The following SCAF8 variants were observed in gnomAD, a reference collection of about 807,000 sequenced individuals.
The protein encoded by SCAF8 is SR-related and CTD-associated factor 8.
Under a neutral mutation model 140.5 loss-of-function variants are expected in SCAF8, and 23 were observed. The ratio of observed to expected loss-of-function variants is 0.16; its 90% CI spans 0.12 to 0.23. The LOEUF is 0.23. Among genes scored for constraint, SCAF8 ranks in the 10% least tolerant of loss-of-function variants. The pLI, the probability that SCAF8 is intolerant of heterozygous loss-of-function variation, is 1.00. For missense variants in SCAF8, 1,397 were observed against 1,555.7 expected, an observed-to-expected ratio of 0.90 and a Z score of 1.72; for synonymous variants, 575 against 528.9, an observed-to-expected ratio of 1.09 and a Z score of -1.20.
intron 4 of SCAF8, among the ~76,000 whole-genome samples, chr6:154,791,081 A>G (rs567061679): frequency 6.1e-4 from 93 of 152,312 alleles, no homozygotes; most frequent in Middle Eastern, 3.4e-3. Flanking sequence ...GGTATAATAG[A>G]TGGAACTGCT....
chr6:154,805,017 G>A (rs1161026800), intron 8 of SCAF8, among the ~76,000 whole-genome samples: 1 of 152,064 alleles, frequency 6.6e-6, no homozygotes, highest in Non-Finnish European at 1.5e-5. Context: ...AGGAGTTAAA[G>A]TAACAATGTT....
At chr6:154,821,246 G>C (rs1008683693) in intron 15 of SCAF8, among the ~76,000 whole-genome samples, 1 of 141,966 alleles carries the variant, frequency 7.0e-6, no homozygotes, top group Non-Finnish European at 1.6e-5. Context: ...AATCCTGTTG[G>C]TAGCCTGTTC....
intron 1 of SCAF8, among the ~76,000 whole-genome samples, chr6:154,738,160 C>T (rs1458177769): frequency 6.6e-6 from 1 of 150,530 alleles, no homozygotes; most frequent in African/African-American, 2.5e-5. Context: ...ATAGCCAGTG[C>T]ACTCTAGCTT....
chr6:154,800,138 TTC>T (rs1202672805), intron 6 of SCAF8, among the ~76,000 whole-genome samples: 1 of 151,356 alleles, frequency 6.6e-6, no homozygotes, highest in Non-Finnish European at 1.5e-5. Flanking sequence ...TACACTCCCG[TTC>T]TCTCTCGCCT....
At chr6:154,742,169 C>T (rs527309261) in intron 1 of SCAF8, among the ~76,000 whole-genome samples, 3 of 152,080 alleles carry the variant, frequency 2.0e-5, no homozygotes, top group South Asian at 4.2e-4. Flanking sequence ...TAAAAGAGAG[C>T]GTCTAGGGAA....
chr6:154,824,894 A>T (rs961898099), intron 17 of SCAF8: 1 of 152,196 alleles, frequency 6.6e-6, no homozygotes, highest in African/African-American at 2.4e-5. Flanking sequence ...CAGTGAGCCA[A>T]GATCACACCA....
At chr6:154,792,535 T>A (rs922274354) in intron 4 of SCAF8, among the ~76,000 whole-genome samples, 2 of 152,154 alleles carry the variant, frequency 1.3e-5, no homozygotes, top group Non-Finnish European at 2.9e-5. Context: ...AGCCTTACCA[T>A]CCATATCATT....
At chr6:154,748,390 A>G (rs537932373) in intron 1 of SCAF8, among the ~76,000 whole-genome samples, 81 of 152,322 alleles carry the variant, frequency 5.3e-4, no homozygotes, top group African/African-American at 1.8e-3. Flanking sequence ...AATAGGGACA[A>G]AGTTTACTAA....
chr6:154,798,424 C>G (rs796540167), intron 6 of SCAF8, among the ~76,000 whole-genome samples: 1 of 151,374 alleles, frequency 6.6e-6, no homozygotes, highest in African/African-American at 2.4e-5. Flanking sequence ...AAACCTGCTC[C>G]ACCTGCATCT....
intron 18 of SCAF8, among the ~76,000 whole-genome samples, chr6:154,830,386 G>A (rs72993490): frequency 6.6e-6 from 1 of 152,218 alleles, no homozygotes; most frequent in Non-Finnish European, 1.5e-5. Flanking sequence ...TGTGACAAAT[G>A]CACTTAGGGA....
rs58013583 is a variant in SCAF8 at position 154,831,703 on chromosome 6, T to TAAAA, written c.2360-200_2360-197dup. On this transcript the variant is annotated intron_variant, in intron 19 of 19. Coordinates refer to ENST00000367178, the MANE Select transcript of SCAF8 (RefSeq NM_014892.5). ...CCTTTTAAACCTCCACTCCTGTTCT[T>TAAAA]AAAAAAAAAAAAAAAAAAAAAAAAA... 1.0e-3 allele frequency among the ~76,000 whole-genome samples: 48 copies of TAAAA among 48,094 alleles called. 4 individuals are homozygous for TAAAA. The highest frequency in any genetic ancestry group is 3.9e-3 in the South Asian group (3 of 762). 31.6% of individuals were successfully genotyped at this position (48,094 alleles called of 152,430 possible).
At chr6:154,770,388 A>ACACACACACTCTCT (rs1384942827) in intron 1 of SCAF8, among the ~76,000 whole-genome samples, 1 of 141,916 alleles carries the variant, frequency 7.0e-6, no homozygotes, top group African/African-American at 2.6e-5. Flanking sequence ...ACACACACAC[A>ACACACACACTCTCT]CTCTCTCTCT....
intron 1 of SCAF8, among the ~76,000 whole-genome samples, chr6:154,743,766 A>AT (rs1229154004): frequency 1.3e-5 from 2 of 152,206 alleles, no homozygotes; most frequent in African/African-American, 4.8e-5. Context: ...AAAAATAGAC[A>AT]TAAGTGTTTG....
At chr6:154,825,125 C>T (rs1027226867) in intron 17 of SCAF8, 1 of 152,040 alleles carries the variant, frequency 6.6e-6, no homozygotes, top group Non-Finnish European at 1.5e-5. Context: ...ATTTAAAAGG[C>T]TAATTGAATT....
At chr6:154,745,783 C>CT (rs1434859214) in intron 1 of SCAF8, among the ~76,000 whole-genome samples, 4 of 152,060 alleles carry the variant, frequency 2.6e-5, no homozygotes, top group Non-Finnish European at 5.9e-5. Flanking sequence ...TTTTCGGAGT[C>CT]TATCATTTTT....
At chr6:154,750,217 CTG>C (rs999357297) in intron 1 of SCAF8, among the ~76,000 whole-genome samples, 21 of 152,162 alleles carry the variant, frequency 1.4e-4, no homozygotes, top group African/African-American at 4.8e-4. Context: ...CACCCAAAGA[CTG>C]TTATGGTTAC....
At chr6:154,831,703 T>TTAAAAAA (rs1363915852) in intron 19 of SCAF8, among the ~76,000 whole-genome samples, 2 of 48,068 alleles carry the variant, frequency 4.2e-5, no homozygotes, top group African/African-American at 1.4e-4. Flanking sequence ...CTCCTGTTCT[T>TTAAAAAA]AAAAAAAAAA....
chr6:154,808,359 GCATGGCCCCTAGGCCAAGCA>G (rs1195512474), intron 10 of SCAF8, among the ~76,000 whole-genome samples, 158 bp downstream of exon 10: 13 of 152,206 alleles, frequency 8.5e-5, no homozygotes, highest in African/African-American at 3.1e-4. Context: ...CAAGGCCTAA[GCATGGCCCCTAGGCCAAGCA>G]CATGGCCCAG....
At chr6:154,786,148 G>A (rs1409713041) in intron 3 of SCAF8, among the ~76,000 whole-genome samples, 7 of 152,170 alleles carry the variant, frequency 4.6e-5, no homozygotes, top group Non-Finnish European at 1.5e-5. Flanking sequence ...AGCATTCGGG[G>A]TTGGATCAGA....
Sources: gnomAD v4.1 joint callset for allele counts (sites outside exome capture counted in the v4.1 genomes callset) on GRCh38, gnomAD v4.1.1 for gene constraint, MANE v1.5 for transcripts, NCBI Gene and HGNC (gene_info 2026-07-23, HGNC 2026-07-21) for gene names.